GNG7: variants seen among roughly 807,000 people sequenced by gnomAD.
GNG7 encodes the protein guanine nucleotide-binding protein G(I)/G(S)/G(O) subunit gamma-7.
Under a neutral mutation model 4.0 loss-of-function variants are expected in GNG7, and 1 was observed. That is an observed-to-expected ratio of 0.25 (90% CI 0.09 to 1.18). The LOEUF (loss-of-function observed/expected upper bound fraction) is 1.18. Among genes scored for constraint, GNG7 ranks in the 50% most tolerant of loss-of-function variants. GNG7 has a pLI of 0.50. For missense variants in GNG7, 86 were observed against 91.9 expected, an observed-to-expected ratio of 0.94 and a Z score of 0.26; for synonymous variants, 34 against 36.9, an observed-to-expected ratio of 0.92 and a Z score of 0.29.
chr19:2,616,740 A>G (rs1473756074), intron 2 of GNG7, among the ~76,000 whole-genome samples: 1 of 151,940 alleles, frequency 6.6e-6, no homozygotes, highest in African/African-American at 2.4e-5. Flanking sequence ...AGATCACGCC[A>G]TCGCACTCCA....
At chr19:2,528,305 G>T (rs895732833) in intron 3 of GNG7, among the ~76,000 whole-genome samples, 16 of 149,842 alleles carry the variant, frequency 1.1e-4, no homozygotes, top group Non-Finnish European at 1.9e-4. Flanking sequence ...TGGCTCAGTG[G>T]CTCACGCCTG....
At chr19:2,674,032 G>A (rs1301625553) in intron 1 of GNG7, among the ~76,000 whole-genome samples, 1 of 152,204 alleles carries the variant, frequency 6.6e-6, no homozygotes, top group Non-Finnish European at 1.5e-5. Flanking sequence ...GGGAGGCCAA[G>A]GTGGGCGGAT....
At chr19:2,567,590 T>C (rs1332489623) in intron 2 of GNG7, among the ~76,000 whole-genome samples, 3 of 152,084 alleles carry the variant, frequency 2.0e-5, no homozygotes, top group African/African-American at 7.2e-5. Flanking sequence ...CCTCCCAAAG[T>C]GCTGGGATTG....
chr19:2,615,185 G>A (rs1981686148), intron 2 of GNG7, among the ~76,000 whole-genome samples: 2 of 150,018 alleles, frequency 1.3e-5, no homozygotes, highest in Non-Finnish European at 1.5e-5. Flanking sequence ...TTTTTGAGAC[G>A]GAGTCTCGCT....
chr19:2,642,468 CGAT>C, intron 2 of GNG7: 1 of 330,488 alleles, frequency 3.0e-6, no homozygotes, highest in South Asian at 2.5e-5. Flanking sequence ...GGGGCTCAAG[CGAT>C]CCTCCCACCT....
At chr19:2,656,423 G>A (rs900201158) in intron 1 of GNG7, among the ~76,000 whole-genome samples, 9 of 152,158 alleles carry the variant, frequency 5.9e-5, no homozygotes, top group African/African-American at 1.2e-4. Context: ...CCAACATGGC[G>A]AAACCCTGTC....
intron 1 of GNG7, among the ~76,000 whole-genome samples, chr19:2,689,543 A>C (rs950561703): frequency 2.7e-5 from 4 of 148,386 alleles, no homozygotes; most frequent in African/African-American, 1.0e-4. Flanking sequence ...GGATCACTTG[A>C]ACCTGGGAGG....
intron 3 of GNG7, among the ~76,000 whole-genome samples, chr19:2,550,279 G>A (rs1253837926): frequency 8.5e-5 from 13 of 152,132 alleles, no homozygotes; most frequent in Admixed American, 7.9e-4. Flanking sequence ...GTGCAGTGGC[G>A]CAATCTCGGC....
chr19:2,642,771 G>A (rs954013886), intron 2 of GNG7: 1 of 456,694 alleles, frequency 2.2e-6, no homozygotes, highest in Admixed American at 2.3e-5. Flanking sequence ...TGGGATTACA[G>A]GCGTGAGCCA....
intron 3 of GNG7, among the ~76,000 whole-genome samples, chr19:2,530,703 G>A (rs773065776): frequency 2.0e-5 from 3 of 152,184 alleles, no homozygotes; most frequent in Non-Finnish European, 4.4e-5. Flanking sequence ...CTGGGTGACA[G>A]AGTGAGACCC....
chr19:2,562,447 CT>C, intron 2 of GNG7, among the ~76,000 whole-genome samples: 1 of 152,106 alleles, frequency 6.6e-6, no homozygotes, highest in African/African-American at 2.4e-5. Context: ...CCGCGCCCCG[CT>C]CCTTTTCCTT....
intron 2 of GNG7, among the ~76,000 whole-genome samples, chr19:2,627,807 A>G (rs1244324251): frequency 2.6e-5 from 4 of 152,278 alleles, no homozygotes; most frequent in East Asian, 3.9e-4. Context: ...TCAGTGTCCT[A>G]TGGTGTCACT....
chr19:2,667,957 G>A (rs1008833919), intron 1 of GNG7, among the ~76,000 whole-genome samples: 1 of 152,018 alleles, frequency 6.6e-6, no homozygotes, highest in East Asian at 1.9e-4. Flanking sequence ...AAGAAAATCT[G>A]AAAAACTGTC....
chr19:2,568,797 C>T (rs536471079), intron 2 of GNG7, among the ~76,000 whole-genome samples: 78 of 151,240 alleles, frequency 5.2e-4, no homozygotes, highest in Non-Finnish European at 6.8e-4. Context: ...CACATATACA[C>T]GCACATATAT....
At chr19:2,568,064 G>A (rs969155076) in intron 2 of GNG7, among the ~76,000 whole-genome samples, 3 of 150,120 alleles carry the variant, frequency 2.0e-5, no homozygotes, top group African/African-American at 7.4e-5. Flanking sequence ...CACACATATA[G>A]ACATACACAC....
At chr19:2,567,445 CCTCCTGA>C (rs1979956994) in intron 2 of GNG7, among the ~76,000 whole-genome samples, 1 of 151,738 alleles carries the variant, frequency 6.6e-6, no homozygotes, top group Admixed American at 6.6e-5. Context: ...CCTGCCTCAG[CCTCCTGA>C]GCAGCTGGGA....
chr19:2,681,463 G>A (rs1243736411), intron 1 of GNG7, among the ~76,000 whole-genome samples: 1 of 152,074 alleles, frequency 6.6e-6, no homozygotes, highest in African/African-American at 2.4e-5. Flanking sequence ...GATTGCAGGC[G>A]TGAGCAACCT....
At chr19:2,530,712 C>T (rs1978555606) in intron 3 of GNG7, among the ~76,000 whole-genome samples, 1 of 151,988 alleles carries the variant, frequency 6.6e-6, no homozygotes, top group Non-Finnish European at 1.5e-5. Context: ...AGAGTGAGAC[C>T]CTGTCTCAAA....
Position 2,614,830 on chromosome 19 carries a change from A to G in GNG7, c.-78+31394T>C, listed in dbSNP as rs954370823. On this transcript the variant is annotated intron_variant, in intron 2 of 4. Transcript: ENST00000382159. This position sits in a 1 kb window ranked among gnomAD's most constrained non-coding sequence, Gnocchi z 6.0. ...AGCGGAATTGCTGGGTCATGTGGCG[A>G]CTCCGCGTTCAGCCTTTTGAGGAAC... 4.6e-5 allele frequency among the ~76,000 whole-genome samples: 7 copies of G among 152,110 alleles called. No individual in the cohort carries two copies. Among genetic ancestry groups the G allele is most frequent in the African/African-American group, 1.7e-4 (7 of 41,498 alleles).
Sources: allele counts gnomAD v4.1 joint callset (sites outside exome capture counted in the v4.1 genomes callset), GRCh38; gene constraint gnomAD v4.1.1; non-coding constraint Gnocchi (gnomAD v3.1); transcripts MANE v1.5; gene names NCBI Gene and HGNC (gene_info 2026-07-23, HGNC 2026-07-21).